Variants in UQCR11 observed in about 807,000 individuals in gnomAD.
UQCR11 encodes ubiquinol-cytochrome c reductase, complex III subunit XI, also known as cytochrome b-c1 complex subunit 10.
A neutral mutation model predicts 7.6 loss-of-function variants in UQCR11; 10 were observed. The ratio of observed to expected loss-of-function variants is 1.31; its 90% CI spans 0.81 to 2.22. The LOEUF (loss-of-function observed/expected upper bound fraction) is 2.22, where lower values mean the gene tolerates loss of function less well. Among genes scored for constraint, UQCR11 ranks in the 30% most tolerant of loss-of-function variants. The probability of loss-of-function intolerance (pLI) is 0.00; values close to 1 mark genes in which losing one functional copy is unlikely to be tolerated. For missense variants in UQCR11, 86 were observed against 75.1 expected (o/e 1.15, Z -0.54); for synonymous variants, 34 against 34.9 (o/e 0.97, Z 0.09).
chr19:1,600,687 C>T (rs569000635), intron 1 of UQCR11, among the ~76,000 whole-genome samples: 22 of 152,120 alleles, frequency 1.4e-4, no homozygotes, highest in African/African-American at 4.8e-4. Context: ...GCCTAGACAA[C>T]AGAGTGAGAC....
At chr19:1,603,232 T>C (rs373388931) in intron 1 of UQCR11, among the ~76,000 whole-genome samples, 2 of 152,212 alleles carry the variant, frequency 1.3e-5, no homozygotes, top group African/African-American at 4.8e-5. Flanking sequence ...TTTCTTTACC[T>C]TTCCTTGCCC....
chr19:1,605,275 G>A (rs2060758702), intron 1 of UQCR11, 85 bp downstream of exon 1: 1 of 1,436,348 alleles, frequency 7.0e-7, no homozygotes, highest in South Asian at 1.4e-5. Context: ...CCCGGCCCCC[G>A]GAAACGCGCA....
Position 1,599,478 on chromosome 19 carries a change from C to G in UQCR11, c.133G>C (p.Val45Leu). 6.2e-7 allele frequency: 1 copy of G among 1,613,814 alleles called. No homozygotes were observed. ...TTAAACTTGCCATTGATGTAAGGTA[C>G]CCAGTCCAGGATCAGCCGCCAATCG... Reference protein sequence around the residue: ...ATDWRLILDWVPYINGKFKKD... With the variant: ...ATDWRLILDWLPYINGKFKKD... The change falls in exon 2 of 3, where the codon GTA (valine) becomes CTA (leucine). Residue 45 changes from valine to leucine, a missense_variant. Physicochemically the swap from Val to Leu is conservative, Grantham distance 32 (BLOSUM62 1). Coordinates refer to ENST00000591899, the MANE Select transcript of UQCR11 (RefSeq NM_006830.4).
chr19:1,602,143 C>T (rs1057171101), intron 1 of UQCR11: 1 of 152,080 alleles, frequency 6.6e-6, no homozygotes, highest in African/African-American at 2.4e-5. Context: ...GCTTGGGCGA[C>T]AGTGAGACTC....
At chr19:1,601,077 G>A (rs1196208669) in intron 1 of UQCR11, among the ~76,000 whole-genome samples, 3 of 152,136 alleles carry the variant, frequency 2.0e-5, no homozygotes, top group Non-Finnish European at 2.9e-5. Context: ...GCTGAGGCGG[G>A]AGAATGGCTT....
intron 1 of UQCR11, chr19:1,602,293 C>G (rs1480428352): frequency 6.6e-6 from 1 of 152,210 alleles, no homozygotes; most frequent in Non-Finnish European, 1.5e-5. Flanking sequence ...AGGGGCCTCA[C>G]CAGAGACTCT....
chr19:1,603,440 A>G (rs113841612), intron 1 of UQCR11, among the ~76,000 whole-genome samples: 3 of 151,988 alleles, frequency 2.0e-5, no homozygotes, highest in African/African-American at 7.3e-5. Flanking sequence ...ATCTCCACTA[A>G]AAAATACAAA....
At chr19:1,599,261 A>G (rs1484188087) in intron 2 of UQCR11, 151 bp downstream of exon 2, 1 of 1,050,088 alleles carries the variant, frequency 9.5e-7, no homozygotes, top group Non-Finnish European at 1.4e-6. Context: ...GAGATGCCAG[A>G]AGGGGCACCC....
chr19:1,599,249 C>G (rs1040284312), intron 2 of UQCR11, 163 bp downstream of exon 2: 2 of 899,458 alleles, frequency 2.2e-6, no homozygotes, highest in South Asian at 3.4e-5. Context: ...GCCCGTGGGC[C>G]GGAGATGCCA....
chr19:1,601,002 C>G (rs939771699), intron 1 of UQCR11, among the ~76,000 whole-genome samples: 1 of 151,914 alleles, frequency 6.6e-6, no homozygotes, highest in Non-Finnish European at 1.5e-5. Context: ...AACCCCATCT[C>G]TACTAAAAAT....
rs555541358 is a variant in UQCR11 at position 1,597,847 on chromosome 19, T to C, written c.*397A>G. 2.6e-5 allele frequency: 4 copies of C among 152,274 alleles called. No individual in the cohort carries two copies. In the South Asian group the frequency reaches 8.3e-4, roughly 32 times the overall value. 9.4% of individuals were successfully genotyped at this position (152,274 alleles called of 1,614,324 possible). A position where few individuals can be genotyped will look rare whatever the true frequency, so the allele number is the denominator to read the frequency against. ...GTTGCTTTAAGCCACTACGTGTGGG[T>C]GACTTGTTAAGGCAGCAACGGATGA... On this transcript the variant is annotated 3_prime_UTR_variant, in exon 3 of 3. Transcript: ENST00000591899.
At chr19:1,603,772 C>T (rs1568283385) in intron 1 of UQCR11, among the ~76,000 whole-genome samples, 2 of 152,190 alleles carry the variant, frequency 1.3e-5, no homozygotes, top group African/African-American at 4.8e-5. Context: ...TAGGAGCAGG[C>T]TTCCTCATCC....
chr19:1,603,942 C>G (rs762377481), intron 1 of UQCR11, among the ~76,000 whole-genome samples: 1 of 152,176 alleles, frequency 6.6e-6, no homozygotes, highest in African/African-American at 2.4e-5. Context: ...CAATCATAAG[C>G]CTTTGCTTTT....
chr19:1,600,584 G>C (rs537604814), intron 1 of UQCR11, among the ~76,000 whole-genome samples: 2 of 152,332 alleles, frequency 1.3e-5, no homozygotes, highest in African/African-American at 4.8e-5. Flanking sequence ...AGTGACAAAA[G>C]ACTGGCTTCA....
chr19:1,602,396 G>C (rs2060749953), intron 1 of UQCR11: 2 of 152,184 alleles, frequency 1.3e-5, no homozygotes, highest in East Asian at 1.9e-4. Context: ...AACAGGGCAG[G>C]AATCTTCGCA....
chr19:1,599,637 C>T (rs766808874), intron 1 of UQCR11, 77 bp from the exon 2 acceptor site: 21 of 1,564,574 alleles, frequency 1.3e-5, no homozygotes, highest in African/African-American at 9.5e-5. Flanking sequence ...CCCGGCCCCC[C>T]GTCCTGAGCG....
rs991970561 is a variant in UQCR11, at chr19:1,597,620, G to A, written c.*624C>T. ...AGCAGCTTCGTGTAGGGGCCCCCAT[G>A]GGAAGGAACTGTGGCTGTCACCGAC... On this transcript the variant is annotated 3_prime_UTR_variant, in exon 3 of 3. Coordinates refer to ENST00000591899, the MANE Select transcript of UQCR11 (RefSeq NM_006830.4). The A allele has an allele frequency of 6.6e-6, 1 of 152,044 alleles. No homozygotes were observed. Among genetic ancestry groups the A allele is most frequent in the Non-Finnish European group, 1.5e-5 (1 of 68,002 alleles). The allele number at this position is 152,044 out of a possible 1,614,324, so 9.4% of individuals were successfully genotyped here. A position where few individuals can be genotyped will look rare whatever the true frequency, so the allele number is the denominator to read the frequency against.
At chr19:1,602,835 C>G (rs559481739) in intron 1 of UQCR11, among the ~76,000 whole-genome samples, 1 of 152,350 alleles carries the variant, frequency 6.6e-6, no homozygotes, top group African/African-American at 2.4e-5. Context: ...CTGGTCACCC[C>G]ATGTAGGACC....
chr19:1,604,848 C>A (rs941886482), intron 1 of UQCR11, among the ~76,000 whole-genome samples: 3 of 152,254 alleles, frequency 2.0e-5, no homozygotes, highest in African/African-American at 7.2e-5. Context: ...TTCTTAGCAC[C>A]CCACGTGGAA....
Sources: allele counts gnomAD v4.1 joint callset (sites outside exome capture counted in the v4.1 genomes callset), GRCh38; gene constraint gnomAD v4.1.1; transcripts MANE v1.5; gene names NCBI Gene and HGNC (gene_info 2026-07-23, HGNC 2026-07-21).